RFPL1: variants seen among roughly 807,000 people sequenced by gnomAD.
The protein encoded by RFPL1 is ret finger protein-like 1.
Under a neutral mutation model 9.6 loss-of-function variants are expected in RFPL1, and 6 were observed. The observed-to-expected ratio is 0.62, with a 90% CI of 0.34 to 1.23. RFPL1 has a LOEUF of 1.23. Ranked by LOEUF, RFPL1 falls within the 50% of genes most tolerant of loss-of-function variation. RFPL1 has a pLI of 0.03. For missense variants in RFPL1, 352 were observed against 398.4 expected, an observed-to-expected ratio of 0.88 and a Z score of 0.99; for synonymous variants, 145 against 149.4, an observed-to-expected ratio of 0.97 and a Z score of 0.22.
chr22:29,439,075 A>T (rs1354348513), exon 1 of RFPL1: 1 of 1,614,072 alleles, frequency 6.2e-7, no homozygotes, highest in Non-Finnish European at 8.5e-7. Context: ...CCCAGTTGGC[A>T]GCTAGAGAGG....
chr22:29,410,235 A>G, the RFPL1 span, among the ~76,000 whole-genome samples: 1 of 134,682 alleles, frequency 7.4e-6, no homozygotes, highest in Non-Finnish European at 1.5e-5. Flanking sequence ...ATATAGATAT[A>G]TATATAGTAG....
chr22:29,438,142 G>A, upstream of RFPL1: 1 of 172,606 alleles, frequency 5.8e-6, no homozygotes, highest in Non-Finnish European at 1.2e-5. Context: ...GCAAAGTGCT[G>A]GGATTACAGA....
At chr22:29,393,742 C>A in the RFPL1 span, among the ~76,000 whole-genome samples, 138 of 152,278 alleles carry the variant, frequency 9.1e-4, 1 homozygote, top group East Asian at 0.012. Flanking sequence ...TACTTCCTGA[C>A]AATAATACTA....
the RFPL1 span, among the ~76,000 whole-genome samples, chr22:29,412,721 C>T: frequency 1.3e-5 from 2 of 152,154 alleles, no homozygotes; most frequent in East Asian, 3.9e-4. Context: ...TTCTAGATCA[C>T]CCCTGGGCTG....
chr22:29,397,891 T>G, the RFPL1 span, among the ~76,000 whole-genome samples: 1 of 152,200 alleles, frequency 6.6e-6, no homozygotes, highest in Non-Finnish European at 1.5e-5. Flanking sequence ...CAGGGGGCTC[T>G]GAGGCCATGT....
the RFPL1 span, among the ~76,000 whole-genome samples, chr22:29,428,087 T>G: frequency 2.0e-5 from 3 of 152,230 alleles, no homozygotes; most frequent in Admixed American, 2.0e-4. Flanking sequence ...ATTTGTCAGC[T>G]TTCTTCAGCC....
At chr22:29,416,527 G>A in the RFPL1 span, among the ~76,000 whole-genome samples, 2 of 152,154 alleles carry the variant, frequency 1.3e-5, no homozygotes, top group Admixed American at 6.5e-5. Context: ...TAGGTATCTG[G>A]TCCTTGATAT....
the RFPL1 span, among the ~76,000 whole-genome samples, chr22:29,389,987 CG>C: frequency 3.0e-4 from 46 of 151,964 alleles, no homozygotes; most frequent in African/African-American, 1.1e-3. Context: ...TTAGTAGAGG[CG>C]GGGGTTTCAC....
the RFPL1 span, among the ~76,000 whole-genome samples, chr22:29,409,896 G>A: frequency 1.3e-5 from 2 of 152,210 alleles, no homozygotes; most frequent in South Asian, 4.1e-4. Flanking sequence ...AAAAATGAGC[G>A]CATCACTTAC....
At chr22:29,390,090 G>C in the RFPL1 span, among the ~76,000 whole-genome samples, 26 of 152,178 alleles carry the variant, frequency 1.7e-4, no homozygotes, top group Non-Finnish European at 2.9e-4. Context: ...GTGAGCCACT[G>C]TTGGTATTTT....
At chr22:29,425,504 A>G in the RFPL1 span, among the ~76,000 whole-genome samples, 1 of 152,238 alleles carries the variant, frequency 6.6e-6, no homozygotes, top group Non-Finnish European at 1.5e-5. Context: ...AGATACCTGC[A>G]GATGGAGCAG....
the RFPL1 span, among the ~76,000 whole-genome samples, chr22:29,430,244 G>T: frequency 6.6e-6 from 1 of 151,952 alleles, no homozygotes; most frequent in Admixed American, 6.6e-5. Flanking sequence ...ACCCAGGCTG[G>T]GCATGAACTC....
chr22:29,432,561 A>G, the RFPL1 span, among the ~76,000 whole-genome samples: 3 of 151,666 alleles, frequency 2.0e-5, no homozygotes, highest in Non-Finnish European at 4.4e-5. Context: ...CTAATAAAGG[A>G]CTCCTGAATT....
upstream of RFPL1, among the ~76,000 whole-genome samples, chr22:29,435,463 A>G (rs1268790387): frequency 1.3e-5 from 2 of 152,242 alleles, no homozygotes; most frequent in Non-Finnish European, 2.9e-5. Flanking sequence ...TCTCACATAC[A>G]GGATACACCA....
the RFPL1 span, among the ~76,000 whole-genome samples, chr22:29,430,515 GTAAC>G: frequency 1.3e-5 from 2 of 152,040 alleles, no homozygotes; most frequent in Non-Finnish European, 2.9e-5. Context: ...TATTAATACT[GTAAC>G]TAACAAAACA....
chr22:29,419,570 C>T, the RFPL1 span, among the ~76,000 whole-genome samples: 6 of 151,796 alleles, frequency 4.0e-5, no homozygotes, highest in African/African-American at 7.3e-5. Context: ...TTTGGGAGGT[C>T]GAGGGAGGCA....
At chr22:29,406,949 TAGAG>T in the RFPL1 span, among the ~76,000 whole-genome samples, 1 of 152,234 alleles carries the variant, frequency 6.6e-6, no homozygotes, top group African/African-American at 2.4e-5. Context: ...TGCTCCATAT[TAGAG>T]AAACTCAGTA....
chr22:29,408,913 G>A, the RFPL1 span, among the ~76,000 whole-genome samples: 5 of 152,098 alleles, frequency 3.3e-5, no homozygotes, highest in African/African-American at 1.2e-4. Flanking sequence ...TTGGGGGCCA[G>A]TGACTTGATC....
chr22:29,438,586 G>GT, exon 1 of RFPL1: 1 of 1,415,680 alleles, frequency 7.1e-7, no homozygotes, highest in East Asian at 2.6e-5. Flanking sequence ...GGGTGCTGCC[G>GT]TGTCACTGGC....
Sources: gnomAD v4.1 joint callset for allele counts (sites outside exome capture counted in the v4.1 genomes callset) on GRCh38, gnomAD v4.1.1 for gene constraint, MANE v1.5 for transcripts, NCBI Gene and HGNC (gene_info 2026-07-23, HGNC 2026-07-21) for gene names.